The following BACH2 variants were observed in gnomAD, a reference collection of about 807,000 sequenced individuals.
BACH2 encodes the protein BACH transcriptional regulator 2.
Under a neutral mutation model 61.8 loss-of-function variants are expected in BACH2, and 5 were observed. The ratio of observed to expected loss-of-function variants is 0.08; its 90% CI spans 0.04 to 0.17. The LOEUF is 0.17. Ranked by LOEUF, BACH2 falls within the 10% of genes least tolerant of loss-of-function variation. The pLI is 1.00. For synonymous variants in BACH2, 446 were observed against 440.1 expected (o/e 1.01, Z -0.17); for missense variants, 824 against 1,091.1 (o/e 0.76, Z 3.45).
chr6:90,205,568 G>A (rs977188342), intron 4 of BACH2, among the ~76,000 whole-genome samples: 28 of 152,120 alleles, frequency 1.8e-4, no homozygotes, highest in African/African-American at 6.0e-4. Context: ...GAATTACCTG[G>A]TCCAAATACC....
rs1562301589 is a variant in BACH2 at position 89,931,961 on chromosome 6, TA to T, written c.*446del. 1.4e-5 allele frequency: 2 copies of T among 147,570 alleles called. No homozygotes were observed. The highest frequency in any genetic ancestry group is 6.8e-5 in the Admixed American group (1 of 14,700). The allele number at this position is 147,570 out of a possible 1,614,324, so 9.1% of individuals were successfully genotyped here. On this transcript the variant is annotated 3_prime_UTR_variant, in exon 9 of 9. Transcript: ENST00000257749. ...TATATATATATATATATATATATTT[TA>T]TATATATATTATATATAATATGTAC...
chr6:89,937,611 C>T (rs959446300), intron 8 of BACH2, among the ~76,000 whole-genome samples: 2 of 152,188 alleles, frequency 1.3e-5, no homozygotes, highest in Admixed American at 1.3e-4. Context: ...CTCACTGCAA[C>T]CTTCACTTCC....
At chr6:90,168,911 G>A (rs1767719766) in intron 4 of BACH2, among the ~76,000 whole-genome samples, 1 of 152,150 alleles carries the variant, frequency 6.6e-6, no homozygotes, top group Non-Finnish European at 1.5e-5. Context: ...AGCAATCACT[G>A]AAAACTCGGT....
chr6:90,262,185 C>T (rs1771181776), intron 2 of BACH2, among the ~76,000 whole-genome samples: 1 of 152,180 alleles, frequency 6.6e-6, no homozygotes, highest in East Asian at 1.9e-4. Context: ...CCCAAACTCT[C>T]ATTATATGAA....
intron 6 of BACH2, among the ~76,000 whole-genome samples, chr6:89,973,324 A>T (rs1473837726): frequency 2.0e-5 from 3 of 152,230 alleles, no homozygotes; most frequent in Non-Finnish European, 4.4e-5. Context: ...GATGCTGCAT[A>T]CAGCCATGGT....
chr6:90,160,131 C>T (rs1203226036), intron 4 of BACH2, among the ~76,000 whole-genome samples: 1 of 152,190 alleles, frequency 6.6e-6, no homozygotes. Flanking sequence ...CATAGAAACA[C>T]ACAACTCCCT....
At chr6:90,240,001 T>C (rs1770392204) in intron 3 of BACH2, among the ~76,000 whole-genome samples, 1 of 152,118 alleles carries the variant, frequency 6.6e-6, no homozygotes, top group Non-Finnish European at 1.5e-5. Flanking sequence ...TAAAAATTCA[T>C]CTTATAGAAA....
chr6:90,295,312 CCCCATGCG>C (rs1425692785), intron 1 of BACH2, among the ~76,000 whole-genome samples: 5 of 152,144 alleles, frequency 3.3e-5, no homozygotes, highest in Non-Finnish European at 5.9e-5. Flanking sequence ...GCTGGGGATG[CCCCATGCG>C]CCCGCGACCC....
chr6:90,075,793 A>G (rs924782872), intron 5 of BACH2, among the ~76,000 whole-genome samples: 13 of 152,160 alleles, frequency 8.5e-5, no homozygotes, highest in Non-Finnish European at 1.2e-4. Context: ...TTAAGAAAGG[A>G]TGGATATTGT....
intron 1 of BACH2, among the ~76,000 whole-genome samples, chr6:90,296,207 A>T (rs548152841): frequency 1.3e-5 from 2 of 151,812 alleles, no homozygotes; most frequent in East Asian, 2.0e-4. Context: ...GCAAAATACA[A>T]TGCGCCTCGG....
intron 3 of BACH2, among the ~76,000 whole-genome samples, chr6:90,231,036 G>A (rs902403695): frequency 1.2e-4 from 18 of 152,080 alleles, no homozygotes; most frequent in African/African-American, 4.1e-4. Context: ...TCTCTCTGCC[G>A]AATTCCCTTC....
intron 5 of BACH2, among the ~76,000 whole-genome samples, chr6:90,042,633 A>AC (rs1259817570): frequency 6.6e-6 from 1 of 152,176 alleles, no homozygotes; most frequent in African/African-American, 2.4e-5. Flanking sequence ...GCACATAAAA[A>AC]CACATACTCA....
chr6:90,208,784 CAA>C (rs1214890536), intron 3 of BACH2, among the ~76,000 whole-genome samples: 1 of 152,116 alleles, frequency 6.6e-6, no homozygotes, highest in Non-Finnish European at 1.5e-5. Context: ...TTCACAATAG[CAA>C]AGTCTTAGAA....
chr6:89,968,836 T>C (rs1487115178), intron 6 of BACH2, among the ~76,000 whole-genome samples: 1 of 151,918 alleles, frequency 6.6e-6, no homozygotes, highest in Non-Finnish European at 1.5e-5. Context: ...CATGGTGAAA[T>C]CCCATCTCTA....
rs948014239 is a variant in BACH2 at position 89,964,976 on chromosome 6, C to T, written c.244-13114G>A. Among the ~76,000 whole-genome samples, 35 of 152,148 alleles carry T rather than the reference C, an allele frequency of 2.3e-4. 1 individual carries two copies. Among genetic ancestry groups the T allele is most frequent in the Non-Finnish European group, 5.9e-5 (4 of 68,028 alleles). On this transcript the variant is annotated intron_variant, in intron 6 of 8. Coordinates refer to ENST00000257749, the MANE Select transcript of BACH2 (RefSeq NM_021813.4). Reference sequence around the variant, plus strand: ...TCTCGGCTAACTGCAGCCTCCGCCTCCAGGTTCAAGCGATTCTCGTGCCTC... The same window carrying T: ...TCTCGGCTAACTGCAGCCTCCGCCTTCAGGTTCAAGCGATTCTCGTGCCTC...
chr6:90,038,321 C>A (rs1043369510), intron 5 of BACH2, among the ~76,000 whole-genome samples: 1 of 152,158 alleles, frequency 6.6e-6, no homozygotes, highest in Admixed American at 6.6e-5. Context: ...CATGCCCCAT[C>A]CCAGTTGTTA....
At chr6:90,161,556 T>C (rs1009942121) in intron 4 of BACH2, among the ~76,000 whole-genome samples, 1 of 152,216 alleles carries the variant, frequency 6.6e-6, no homozygotes, top group African/African-American at 2.4e-5. Flanking sequence ...CTTATTTGCA[T>C]GTGTGAGTAT....
At chr6:90,294,560 G>C (rs777622901) in intron 1 of BACH2, among the ~76,000 whole-genome samples, 6 of 152,168 alleles carry the variant, frequency 3.9e-5, no homozygotes, top group Non-Finnish European at 8.8e-5. Context: ...CCTTTCAGTG[G>C]AGCAGTTTGA....
intron 3 of BACH2, among the ~76,000 whole-genome samples, chr6:90,237,002 C>G (rs1770280377): frequency 6.6e-6 from 1 of 152,090 alleles, no homozygotes; most frequent in Admixed American, 6.5e-5. Context: ...CAGCTCACTG[C>G]AACCTCCACC....
Sources: gnomAD v4.1 joint callset for allele counts (sites outside exome capture counted in the v4.1 genomes callset) on GRCh38, gnomAD v4.1.1 for gene constraint, MANE v1.5 for transcripts, NCBI Gene and HGNC (gene_info 2026-07-23, HGNC 2026-07-21) for gene names.